The following ELF1 variants were observed in gnomAD, a reference collection of about 807,000 sequenced individuals.
The protein encoded by ELF1 is ETS-related transcription factor Elf-1.
Under a neutral mutation model 59.9 loss-of-function variants are expected in ELF1, and 24 were observed. The ratio of observed to expected loss-of-function variants is 0.40; its 90% CI spans 0.29 to 0.56. The LOEUF is 0.56. Among genes scored for constraint, ELF1 ranks in the 20% least tolerant of loss-of-function variants. ELF1 has a pLI of 0.44. For synonymous variants in ELF1, 248 were observed against 266.2 expected (o/e 0.93, Z 0.67); for missense variants, 627 against 742.2 (o/e 0.84, Z 1.80).
chr13:40,978,895 AG>A (rs1381332346), intron 2 of ELF1, among the ~76,000 whole-genome samples: 5 of 151,788 alleles, frequency 3.3e-5, no homozygotes, highest in African/African-American at 1.2e-4. Context: ...CTTTTATTTT[AG>A]ATTCAGGGGG....
chr13:41,010,326 T>C (rs2138361118), intron 1 of ELF1, among the ~76,000 whole-genome samples: 1 of 148,984 alleles, frequency 6.7e-6, no homozygotes, highest in East Asian at 2.0e-4. Flanking sequence ...CATAGTGGTA[T>C]GCACTTGTAA....
At chr13:41,060,013 T>C (rs1877445370) in intron 1 of ELF1, among the ~76,000 whole-genome samples, 2 of 152,236 alleles carry the variant, frequency 1.3e-5, no homozygotes, top group Admixed American at 1.3e-4. Context: ...AGAAAAAAGA[T>C]TCTCGTTCCC....
At chr13:41,029,870 T>C (rs1876095168) in intron 1 of ELF1, among the ~76,000 whole-genome samples, 1 of 152,092 alleles carries the variant, frequency 6.6e-6, no homozygotes, top group African/African-American at 2.4e-5. Flanking sequence ...AGATGACAAA[T>C]GGCAATGGTT....
At chr13:40,989,232 T>C (rs1411112200) in intron 1 of ELF1, among the ~76,000 whole-genome samples, 1 of 152,194 alleles carries the variant, frequency 6.6e-6, no homozygotes, top group South Asian at 2.1e-4. Context: ...CAAAAAAGAA[T>C]AGTCATACTT....
At chr13:40,942,871 G>T in intron 7 of ELF1, 81 bp downstream of exon 7, 1 of 1,360,230 alleles carries the variant, frequency 7.4e-7, no homozygotes, top group Non-Finnish European at 9.7e-7. Context: ...TTGGTGCTTT[G>T]CTGAACTTAA....
chr13:40,939,269 T>C (rs1193665290), intron 8 of ELF1, among the ~76,000 whole-genome samples: 1 of 152,156 alleles, frequency 6.6e-6, no homozygotes, highest in Non-Finnish European at 1.5e-5. Context: ...GCTATGATGG[T>C]GTCATTACAC....
intron 8 of ELF1, among the ~76,000 whole-genome samples, chr13:40,937,837 C>T (rs1246348957): frequency 1.3e-4 from 19 of 151,994 alleles, no homozygotes; most frequent in Non-Finnish European, 2.4e-4. Flanking sequence ...TTACTTGAGA[C>T]GGGGTCTCAC....
intron 2 of ELF1, among the ~76,000 whole-genome samples, chr13:40,966,178 A>G (rs1050384557): frequency 2.0e-5 from 3 of 152,266 alleles, no homozygotes; most frequent in African/African-American, 7.2e-5. Context: ...CATGGGAACA[A>G]GAGAGGGAAG....
intron 2 of ELF1, among the ~76,000 whole-genome samples, chr13:40,964,695 T>C (rs1269712722): frequency 6.6e-6 from 1 of 152,106 alleles, no homozygotes. Context: ...CCATTACGCC[T>C]GGCTAATTTT....
intron 4 of ELF1, 128 bp downstream of exon 4, chr13:40,951,201 A>AAAATGTGATTG: frequency 1.4e-6 from 1 of 713,410 alleles, no homozygotes; most frequent in Non-Finnish European, 2.1e-6. Flanking sequence ...AATTCCTACT[A>AAAATGTGATTG]TACCTTAAAA....
chr13:40,948,374 C>T (rs1870633836), intron 5 of ELF1, among the ~76,000 whole-genome samples: 1 of 152,200 alleles, frequency 6.6e-6, no homozygotes, highest in Non-Finnish European at 1.5e-5. Context: ...GTCCCAGTTA[C>T]ATGCTGAGGT....
intron 3 of ELF1, among the ~76,000 whole-genome samples, chr13:40,957,605 CCCTTCG>C (rs1347348908): frequency 6.6e-6 from 1 of 152,120 alleles, no homozygotes; most frequent in African/African-American, 2.4e-5. Context: ...TGCCTGCTTC[CCCTTCG>C]CCTTCCACCA....
chr13:40,967,093 C>G (rs772899526), intron 2 of ELF1, among the ~76,000 whole-genome samples: 3 of 152,214 alleles, frequency 2.0e-5, no homozygotes, highest in Non-Finnish European at 4.4e-5. Flanking sequence ...CTGTGCCCAG[C>G]CTTCAAATCA....
At chr13:40,996,539 T>C (rs931061334) in intron 1 of ELF1, among the ~76,000 whole-genome samples, 1 of 152,188 alleles carries the variant, frequency 6.6e-6, no homozygotes, top group Non-Finnish European at 1.5e-5. Flanking sequence ...TAAGTGACAT[T>C]TGCCCAAACC....
chr13:41,025,603 C>T (rs1362920687), intron 1 of ELF1, among the ~76,000 whole-genome samples: 1 of 152,228 alleles, frequency 6.6e-6, no homozygotes, highest in Non-Finnish European at 1.5e-5. Context: ...TTCCCAATGT[C>T]AAGTTAGTGA....
chr13:41,026,967 C>A (rs1030407140), intron 1 of ELF1, among the ~76,000 whole-genome samples: 2 of 152,150 alleles, frequency 1.3e-5, no homozygotes, highest in Non-Finnish European at 2.9e-5. Context: ...GCACGACATG[C>A]GAGCACCACC....
Position 40,943,847 on chromosome 13 carries a change from C to A in ELF1, c.608G>T (p.Gly203Val). Reference sequence around the variant, plus strand: ...TAAGTATTACACAGTAGTACCCTTTCCATCTTTGTTTTTCTTCTTCACAGA... The same window carrying A: ...TAAGTATTACACAGTAGTACCCTTTACATCTTTGTTTTTCTTCTTCACAGA... ...NISVKKKNKD[G>V]KGNTIYLWEF... The change falls in exon 6 of 9, where the codon GGA becomes GTA. Residue 203 changes from glycine (G) to valine (V), a missense_variant. This residue lies in a region of ELF1 where 232 missense variants were observed against 269.2 expected (regional missense o/e 0.86). Transcript: ENST00000239882. 6.2e-7 allele frequency: 1 copy of A among 1,613,294 alleles called. No homozygotes were observed. Among genetic ancestry groups the A allele is most frequent in the Non-Finnish European group, 8.5e-7 (1 of 1,179,486 alleles).
At position 41,008,221 on chromosome 13, in the gene ELF1, C is replaced by T. The variant is rs77745506; in HGVS notation, c.-229+11007G>A. 3.9e-3 allele frequency among the ~76,000 whole-genome samples: 596 copies of T among 152,232 alleles called. 20 individuals carry two copies. The East Asian group carries it at 0.098, about 25-fold the overall frequency. On this transcript the variant is annotated intron_variant, in intron 1 of 8. Coordinates refer to ENST00000239882, the MANE Select transcript of ELF1 (RefSeq NM_172373.4). ...AAAAAGCATTTATGCTATTATTCTT[C>T]GACCTGTGAGCCAAACTAGCTGCTG...
chr13:41,042,912 A>G (rs541470355), intron 1 of ELF1, among the ~76,000 whole-genome samples: 32 of 152,342 alleles, frequency 2.1e-4, no homozygotes, highest in Admixed American at 3.9e-4. Context: ...ACTAGTTTAC[A>G]GTACCACCAA....
Sources: gnomAD v4.1 joint callset for allele counts (sites outside exome capture counted in the v4.1 genomes callset) on GRCh38, gnomAD v4.1.1 for gene constraint, gnomAD v4.1.1 regional missense constraint, MANE v1.5 for transcripts, NCBI Gene and HGNC (gene_info 2026-07-23, HGNC 2026-07-21) for gene names.